ST6GAL1: variants seen among roughly 807,000 people sequenced by gnomAD.
ST6GAL1 encodes ST6 beta-galactoside alpha-2,6-sialyltransferase 1, also known as beta-galactoside alpha-2,6-sialyltransferase 1.
In ST6GAL1, 20 loss-of-function variants were observed where a neutral mutation model predicts 38.0. The observed-to-expected ratio is 0.53, with a 90% CI of 0.37 to 0.77. The LOEUF (loss-of-function observed/expected upper bound fraction) is 0.77. Among genes scored for constraint, ST6GAL1 ranks in the 30% least tolerant of loss-of-function variants. The pLI, the probability that ST6GAL1 is intolerant of heterozygous loss-of-function variation, is 0.00. For missense variants in ST6GAL1, 432 were observed against 496.4 expected (o/e 0.87, Z 1.23); for synonymous variants, 196 against 188.2 (o/e 1.04, Z -0.34).
Position 187,075,627 on chromosome 3 carries a change from A to G in ST6GAL1, c.1045A>G (p.Lys349Glu), listed in dbSNP as rs1485375974. 6.2e-7 allele frequency: 1 copy of G among 1,614,022 alleles called. No individual in the cohort carries two copies. Among genetic ancestry groups the G allele is most frequent in the Non-Finnish European group, 8.5e-7 (1 of 1,180,014 alleles). Residue 349 changes from lysine to glutamate, a missense_variant, in exon 8 of 8, where the codon AAG becomes GAG. Coordinates refer to ENST00000169298, the MANE Select transcript of ST6GAL1 (RefSeq NM_173216.2). The surrounding 1 kb of genome is among the most constrained non-coding windows in gnomAD (Gnocchi z 4.1). ...DIYEFLPSKR[K>E]TDVCYYYQKF... ...TTATGAGTTCCTCCCATCCAAGCGC[A>G]AGACTGACGTGTGCTACTACTACCA...
chr3:186,945,111 A>T (rs891395980), intron 1 of ST6GAL1, among the ~76,000 whole-genome samples: 8 of 152,068 alleles, frequency 5.3e-5, no homozygotes, highest in Admixed American at 1.3e-4. Context: ...TTGAGGCCAG[A>T]AGTTTGAGAC....
chr3:186,959,989 C>T (rs1714880798), intron 1 of ST6GAL1, among the ~76,000 whole-genome samples: 1 of 152,150 alleles, frequency 6.6e-6, no homozygotes, highest in Admixed American at 6.5e-5. Flanking sequence ...ACAGGTGAAC[C>T]CCTCCTCTGA....
intron 2 of ST6GAL1, among the ~76,000 whole-genome samples, chr3:187,035,394 A>G (rs1002896132): frequency 6.6e-6 from 1 of 152,230 alleles, no homozygotes; most frequent in African/African-American, 2.4e-5. Context: ...CAGAACTAGA[A>G]AAAACCTATC....
chr3:187,035,440 A>T (rs181645461), intron 2 of ST6GAL1, among the ~76,000 whole-genome samples: 1 of 152,302 alleles, frequency 6.6e-6, no homozygotes, highest in East Asian at 1.9e-4. Flanking sequence ...GAGTACAAAT[A>T]ACTAAAGCAA....
chr3:187,066,626 GT>G (rs1196323100), intron 5 of ST6GAL1, among the ~76,000 whole-genome samples: 3 of 151,572 alleles, frequency 2.0e-5, no homozygotes, highest in South Asian at 2.1e-4. Flanking sequence ...GTGTGTGTGT[GT>G]GTGTTTCTAT....
chr3:186,984,903 T>C (rs1715854127), intron 2 of ST6GAL1, among the ~76,000 whole-genome samples: 1 of 148,518 alleles, frequency 6.7e-6, no homozygotes, highest in Admixed American at 6.8e-5. Flanking sequence ...TCTCTTTCTC[T>C]GTCTCTCTCT....
At chr3:186,975,782 C>T (rs989209581) in intron 2 of ST6GAL1, among the ~76,000 whole-genome samples, 11 of 152,208 alleles carry the variant, frequency 7.2e-5, no homozygotes, top group Admixed American at 1.3e-4. Context: ...CTGTGCCAAA[C>T]GCCACAGAAG....
At chr3:187,020,539 G>A (rs1488994783) in intron 2 of ST6GAL1, among the ~76,000 whole-genome samples, 1 of 152,176 alleles carries the variant, frequency 6.6e-6, no homozygotes, top group African/African-American at 2.4e-5. Flanking sequence ...CATCGGCAAA[G>A]TCTTAATCAG....
At position 187,076,910 on chromosome 3, in the gene ST6GAL1, G is replaced by C. The variant is rs566302221; in HGVS notation, c.*1107G>C. On this transcript the variant is annotated 3_prime_UTR_variant, in exon 8 of 8. Transcript: ENST00000169298. ...GGCCTGACCCTGTCCTGTCAGCTGG[G>C]TTTACATACCAGTCCCATTCTTCCT... is the stretch of plus-strand genomic sequence containing the variant. 2 of 398,326 alleles carry C rather than the reference G, an allele frequency of 5.0e-6. No homozygotes were observed. The highest frequency in any genetic ancestry group is 8.8e-6 in the Non-Finnish European group (2 of 226,028). The allele number at this position is 398,326 out of a possible 1,614,324, so 24.7% of individuals were successfully genotyped here.
intron 2 of ST6GAL1, among the ~76,000 whole-genome samples, chr3:186,992,974 C>A (rs1275577157): frequency 1.3e-5 from 2 of 152,066 alleles, no homozygotes; most frequent in African/African-American, 4.8e-5. Flanking sequence ...CTGCCTGTCC[C>A]GTGCAGTTCT....
chr3:186,988,566 G>A (rs1016357418), intron 2 of ST6GAL1, among the ~76,000 whole-genome samples: 1 of 130,464 alleles, frequency 7.7e-6, no homozygotes, highest in African/African-American at 2.6e-5. Flanking sequence ...GTTTTGGGGT[G>A]GGGGGGTGGT....
In ST6GAL1 at chr3:186,944,728, C is replaced by A. The variant is rs78560253; in HGVS notation, c.-325+13894C>A. ...CAGCCTATGCTGAGAAAAAAGATAA[C>A]GCACTTAAATCAGAGATCTAAAGAT... On this transcript the variant is annotated intron_variant, in intron 1 of 7. Coordinates refer to ENST00000169298, the MANE Select transcript of ST6GAL1 (RefSeq NM_173216.2). 9.8e-3 allele frequency among the ~76,000 whole-genome samples: 1,497 copies of A among 152,282 alleles called. 27 individuals are homozygous for A. The highest frequency in any genetic ancestry group is 0.034 in the African/African-American group (1,424 of 41,546).
At chr3:187,071,905 T>A (rs1448015641) in intron 5 of ST6GAL1, 3 of 152,130 alleles carry the variant, frequency 2.0e-5, no homozygotes, top group Non-Finnish European at 4.4e-5. Flanking sequence ...CCAAGACCAG[T>A]ATCTTTTGCA....
Position 187,070,573 on chromosome 3 carries a change from C to T in ST6GAL1, c.706-2276C>T, listed in dbSNP as rs566251375. ...CCGAGTAGCTGGGACTACAGGCACCCGCCACCATGCCCGGCTAATGTTTGT... is the reference window on the plus strand; with the variant it reads ...CCGAGTAGCTGGGACTACAGGCACCTGCCACCATGCCCGGCTAATGTTTGT... On this transcript the variant is annotated intron_variant, in intron 5 of 7. Transcript: ENST00000169298. 1.8e-4 allele frequency among the ~76,000 whole-genome samples: 28 copies of T among 151,712 alleles called. 1 individual carries two copies. The Middle Eastern group carries it at 0.017, about 94-fold the overall frequency.
At chr3:186,966,256 G>A (rs1037084201) in intron 2 of ST6GAL1, among the ~76,000 whole-genome samples, 8 of 152,158 alleles carry the variant, frequency 5.3e-5, no homozygotes, top group Non-Finnish European at 1.2e-4. Flanking sequence ...GGGAAGGAAG[G>A]GAAGAGGCTG....
chr3:187,075,832 G>A lies in ST6GAL1; in HGVS notation c.*29G>A. The A allele has an allele frequency of 6.2e-7, 1 of 1,609,784 alleles. No individual in the cohort carries two copies. Among genetic ancestry groups the A allele is most frequent in the Non-Finnish European group, 8.5e-7 (1 of 1,176,710 alleles). On this transcript the variant is annotated 3_prime_UTR_variant, in exon 8 of 8. Transcript: ENST00000169298. The surrounding 1 kb of genome is among the most constrained non-coding windows in gnomAD (Gnocchi z 4.1). ...CAGGCTCCTCACTCTTCTCCATCAGGCATTAAATGAATGGTCTCTTGGCCA... is the reference window on the plus strand; with the variant it reads ...CAGGCTCCTCACTCTTCTCCATCAGACATTAAATGAATGGTCTCTTGGCCA...
At chr3:186,935,000 AT>A (rs1228680657) in intron 1 of ST6GAL1, among the ~76,000 whole-genome samples, 1 of 151,800 alleles carries the variant, frequency 6.6e-6, no homozygotes, top group Non-Finnish European at 1.5e-5. Context: ...CAAAAATTTT[AT>A]TTTTTTTAAA....
At chr3:187,031,672 T>TCATC (rs1717758010) in intron 2 of ST6GAL1, among the ~76,000 whole-genome samples, 1 of 152,158 alleles carries the variant, frequency 6.6e-6, no homozygotes, top group Admixed American at 6.5e-5. Flanking sequence ...TGACTTCAAG[T>TCATC]CATCCACCTG....
intron 2 of ST6GAL1, among the ~76,000 whole-genome samples, chr3:187,022,530 G>C (rs1364665782): frequency 6.6e-6 from 1 of 152,140 alleles, no homozygotes; most frequent in East Asian, 1.9e-4. Flanking sequence ...GGTCCTTGGA[G>C]CCTCATAGAT....
Sources: gnomAD v4.1 joint callset for allele counts (sites outside exome capture counted in the v4.1 genomes callset) on GRCh38, gnomAD v4.1.1 for gene constraint, Gnocchi (gnomAD v3.1) non-coding constraint, MANE v1.5 for transcripts, NCBI Gene and HGNC (gene_info 2026-07-23, HGNC 2026-07-21) for gene names.